Variants in ROBO2 observed in about 807,000 individuals in gnomAD.
ROBO2 encodes roundabout homolog 2.
A neutral mutation model predicts 160.8 loss-of-function variants in ROBO2; 53 were observed. The ratio of observed to expected loss-of-function variants is 0.33; its 90% confidence interval spans 0.26 to 0.41. The LOEUF (loss-of-function observed/expected upper bound fraction) is 0.41. Among genes scored for constraint, ROBO2 ranks in the 10% least tolerant of loss-of-function variants. The probability of loss-of-function intolerance (pLI) is 1.00; values close to 1 mark genes in which losing one functional copy is unlikely to be tolerated. For synonymous variants in ROBO2, 664 were observed against 611.7 expected (o/e 1.09, Z -1.26); for missense variants, 1,577 against 1,722.4 (o/e 0.92, Z 1.49).
At chr3:77,047,054 G>T (rs549693606) in intron 1 of ROBO2, among the ~76,000 whole-genome samples, 1 of 152,258 alleles carries the variant, frequency 6.6e-6, no homozygotes, top group East Asian at 1.9e-4. Flanking sequence ...AACACCAAAT[G>T]GGTCTCTTAA....
At chr3:76,473,631 G>A (rs2078783841) in intron 2 of ROBO2, among the ~76,000 whole-genome samples, 1 of 152,130 alleles carries the variant, frequency 6.6e-6, no homozygotes, top group Admixed American at 6.6e-5. Flanking sequence ...GATCATATAA[G>A]GGGATAGAGG....
intron 2 of ROBO2, among the ~76,000 whole-genome samples, chr3:76,707,718 A>T (rs1346762758): frequency 1.6e-5 from 2 of 124,692 alleles, no homozygotes; most frequent in Non-Finnish European, 3.3e-5. Flanking sequence ...CACACATTAG[A>T]ATACATGTGT....
chr3:76,457,411 T>A (rs1281566339), intron 2 of ROBO2, among the ~76,000 whole-genome samples: 1 of 152,240 alleles, frequency 6.6e-6, no homozygotes, highest in Non-Finnish European at 1.5e-5. Context: ...ATCGAGGTTA[T>A]GCTAATGCAA....
intron 2 of ROBO2, among the ~76,000 whole-genome samples, chr3:76,841,500 C>T (rs970509566): frequency 6.6e-6 from 1 of 152,090 alleles, no homozygotes; most frequent in African/African-American, 2.4e-5. Flanking sequence ...TACATTGCCC[C>T]CCTCCCCCTT....
intron 7 of ROBO2, 152 bp from the exon 9 acceptor site, chr3:77,550,666 C>A: frequency 1.3e-6 from 1 of 773,878 alleles, no homozygotes; most frequent in Non-Finnish European, 2.1e-6. Flanking sequence ...CAGTGAAACC[C>A]ACTGTGTGGC....
rs143607009 is a variant in ROBO2, at chr3:77,466,896, T to C, written c.389-10518T>C. Among the ~76,000 whole-genome samples, 424 of 152,302 alleles carry C rather than the reference T, an allele frequency of 2.8e-3. 1 individual carries two copies. The highest frequency in any genetic ancestry group is 9.8e-3 in the African/African-American group (409 of 41,564). ...GGCAGTTACTTGGCATTGTAATTCA[T>C]GTTGATCATGCACATCAGAATACAC... On this transcript the variant is annotated intron_variant, in intron 2 of 25. Coordinates refer to ENST00000461745, the Ensembl canonical transcript of ROBO2.
chr3:76,878,522 T>G (rs1374690208), intron 2 of ROBO2, among the ~76,000 whole-genome samples: 4 of 152,212 alleles, frequency 2.6e-5, no homozygotes. Context: ...GATCATTGTT[T>G]TATATTCAAA....
chr3:77,457,303 C>CT (rs1039707696), intron 2 of ROBO2, among the ~76,000 whole-genome samples: 17 of 152,124 alleles, frequency 1.1e-4, no homozygotes, highest in Admixed American at 9.2e-4. Context: ...ATTATTTCAA[C>CT]TTTTTTTCTT....
intron 2 of ROBO2, among the ~76,000 whole-genome samples, chr3:77,149,811 C>A (rs2077404957): frequency 6.8e-6 from 1 of 146,044 alleles, no homozygotes; most frequent in African/African-American, 2.5e-5. Context: ...TTTTTTTCTG[C>A]TTTTGTGATT....
chr3:76,304,760 TTCTTTC>T (rs2071248956), intron 2 of ROBO2, among the ~76,000 whole-genome samples: 1 of 142,042 alleles, frequency 7.0e-6, no homozygotes, highest in Non-Finnish European at 1.5e-5. Context: ...CTTTCTTTCT[TTCTTTC>T]TTTCTTTCTT....
chr3:76,512,012 T>C (rs139773388), intron 2 of ROBO2, among the ~76,000 whole-genome samples: 1 of 152,108 alleles, frequency 6.6e-6, no homozygotes, highest in Non-Finnish European at 1.5e-5. Flanking sequence ...ATGACAAAAA[T>C]GTGTGGTGGG....
At chr3:75,925,093 TA>T (rs942921921) in intron 1 of ROBO2, among the ~76,000 whole-genome samples, 4 of 151,856 alleles carry the variant, frequency 2.6e-5, no homozygotes, top group African/African-American at 9.7e-5. Flanking sequence ...GTATGAAGGT[TA>T]AAAAACGGGC....
At chr3:76,252,223 G>C (rs1362911796) in intron 2 of ROBO2, among the ~76,000 whole-genome samples, 1 of 152,174 alleles carries the variant, frequency 6.6e-6, no homozygotes, top group African/African-American at 2.4e-5. Flanking sequence ...ATGAATGGTG[G>C]TGAGCAGGCT....
At chr3:77,200,764 T>C (rs1001627821) in intron 2 of ROBO2, among the ~76,000 whole-genome samples, 2 of 152,094 alleles carry the variant, frequency 1.3e-5, no homozygotes, top group African/African-American at 4.8e-5. Flanking sequence ...TTTTCTGAGA[T>C]GGTATATGGT....
chr3:77,507,774 A>ATGTTCTTCTTAGT (rs1291700116), intron 5 of ROBO2, among the ~76,000 whole-genome samples: 2 of 152,172 alleles, frequency 1.3e-5, no homozygotes, highest in Non-Finnish European at 2.9e-5. Flanking sequence ...GTAGGAACAA[A>ATGTTCTTCTTAGT]TGTTCTTCTT....
chr3:77,120,003 T>TA (rs2074590748), intron 2 of ROBO2, among the ~76,000 whole-genome samples: 1 of 152,234 alleles, frequency 6.6e-6, no homozygotes, highest in African/African-American at 2.4e-5. Flanking sequence ...GAATGACTGT[T>TA]ATGATAGAAT....
At chr3:76,215,638 C>T (rs1421987308) in intron 2 of ROBO2, among the ~76,000 whole-genome samples, 2 of 152,144 alleles carry the variant, frequency 1.3e-5, no homozygotes, top group South Asian at 2.1e-4. Context: ...TGAACAAAGA[C>T]TCCAAGAAAT....
chr3:76,580,439 C>T (rs144313285), intron 2 of ROBO2, among the ~76,000 whole-genome samples: 68 of 144,050 alleles, frequency 4.7e-4, no homozygotes, highest in African/African-American at 1.6e-3. Context: ...TGGCCTACTA[C>T]GTGATCATAC....
intron 2 of ROBO2, among the ~76,000 whole-genome samples, chr3:77,402,350 G>A (rs1305197801): frequency 6.6e-6 from 1 of 151,972 alleles, no homozygotes; most frequent in Non-Finnish European, 1.5e-5. Context: ...AGGTTGATGG[G>A]TGCAACAAAC....
Sources: gnomAD v4.1 joint callset for allele counts (sites outside exome capture counted in the v4.1 genomes callset) on GRCh38, gnomAD v4.1.1 for gene constraint, MANE v1.5 for transcripts, NCBI Gene and HGNC (gene_info 2026-07-23, HGNC 2026-07-21) for gene names.